KALRN: variants seen among roughly 807,000 people sequenced by gnomAD.
KALRN encodes kalirin RhoGEF kinase.
A neutral mutation model predicts 353.7 loss-of-function variants in KALRN; 70 were observed. The ratio of observed to expected loss-of-function variants is 0.20; its 90% CI spans 0.16 to 0.24. KALRN has a LOEUF of 0.24. KALRN is among the 10% of genes least tolerant of loss of function. The probability of loss-of-function intolerance (pLI) is 1.00; values close to 1 mark genes in which losing one functional copy is unlikely to be tolerated. For synonymous variants in KALRN, 1,391 were observed against 1,434.8 expected (o/e 0.97, Z 0.69); for missense variants, 2,791 against 3,756.7 (o/e 0.74, Z 6.72).
intron 1 of KALRN, among the ~76,000 whole-genome samples, chr3:124,053,936 G>A (rs1369481448): frequency 6.6e-6 from 1 of 152,188 alleles, no homozygotes; most frequent in African/African-American, 2.4e-5. Flanking sequence ...TCCCTTCCCA[G>A]GAACAGTGTC....
In KALRN at chr3:124,116,805, G is replaced by T. The variant is rs187131791; in HGVS notation, c.73+82992G>T. Reference sequence around the variant, plus strand: ...ATATAATGGAAGTTATGTGACTGTGGTATCACTCTTTCTCAAAATATCTTA... The same window carrying T: ...ATATAATGGAAGTTATGTGACTGTGTTATCACTCTTTCTCAAAATATCTTA... On this transcript the variant is annotated intron_variant, in intron 1 of 59. Transcript: ENST00000682506. Among the ~76,000 whole-genome samples the T allele has an allele frequency of 1.5e-4, 23 of 152,296 alleles. No homozygotes were observed. The East Asian group carries it at 3.9e-3, about 26-fold the overall frequency.
intron 1 of KALRN, among the ~76,000 whole-genome samples, chr3:124,185,476 T>A (rs745344397): frequency 2.0e-5 from 3 of 152,222 alleles, no homozygotes; most frequent in African/African-American, 4.8e-5. Context: ...TTTGTCTTTC[T>A]CTCGGAGCTC....
intron 1 of KALRN, among the ~76,000 whole-genome samples, chr3:124,213,042 TA>T (rs745396728): frequency 2.6e-5 from 4 of 152,262 alleles, no homozygotes; most frequent in Non-Finnish European, 2.9e-5. Flanking sequence ...ACATATAGTT[TA>T]AATTCTACAG....
At chr3:124,399,564 G>A (rs779616155) in intron 13 of KALRN, among the ~76,000 whole-genome samples, 12 of 152,220 alleles carry the variant, frequency 7.9e-5, no homozygotes, top group Non-Finnish European at 1.6e-4. Flanking sequence ...ATGGATAGAT[G>A]TTAAAATTAG....
At position 124,044,072 on chromosome 3, in the gene KALRN, A is replaced by G. The variant is rs577367320; in HGVS notation, c.73+10259A>G. On this transcript the variant is annotated intron_variant, in intron 1 of 59. Coordinates refer to ENST00000682506, the MANE Select transcript of KALRN (RefSeq NM_001388419.1). Reference sequence around the variant, plus strand: ...AGGGGAAGCAGGCTAGGGCTCATGAATGAGCCCCTTGCTCATTCTTCTCCA... The same window carrying G: ...AGGGGAAGCAGGCTAGGGCTCATGAGTGAGCCCCTTGCTCATTCTTCTCCA... Among the ~76,000 whole-genome samples, 7 of 152,286 alleles carry G rather than the reference A, an allele frequency of 4.6e-5. No individual in the cohort carries two copies. The South Asian group carries it at 1.5e-3, about 32-fold the overall frequency.
intron 58 of KALRN, among the ~76,000 whole-genome samples, chr3:124,713,733 A>G (rs2063000098): frequency 6.6e-6 from 1 of 152,228 alleles, no homozygotes; most frequent in South Asian, 2.1e-4. Context: ...TGTGGTTTAG[A>G]TAAATATCAC....
Position 124,643,052 on chromosome 3 carries a change from C to T in KALRN, c.5664+5749C>T, listed in dbSNP as rs1611980. Among the ~76,000 whole-genome samples the T allele has an allele frequency of 6.3e-3, 952 of 151,982 alleles. 12 individuals carry two copies. The highest frequency in any genetic ancestry group is 0.022 in the African/African-American group (894 of 41,448). On this transcript the variant is annotated intron_variant, in intron 37 of 59. Coordinates refer to ENST00000682506, the MANE Select transcript of KALRN (RefSeq NM_001388419.1). The stretch of plus-strand genomic sequence containing the variant: ...GGCTGGTCTTGAACTCTCAACCTCA[C>T]GTGATCCGCCTGCCTCGGCCTCCCA...
intron 34 of KALRN, among the ~76,000 whole-genome samples, chr3:124,586,510 C>T (rs1044293404): frequency 3.3e-5 from 5 of 152,220 alleles, no homozygotes; most frequent in Non-Finnish European, 7.3e-5. Context: ...CCGACTTTCA[C>T]TCTCGCTGTG....
At chr3:124,487,269 GA>G in intron 28 of KALRN, among the ~76,000 whole-genome samples, 1 of 152,272 alleles carries the variant, frequency 6.6e-6, no homozygotes, top group African/African-American at 2.4e-5. Flanking sequence ...AAGATAGTTG[GA>G]AATGATCTTT....
intron 33 of KALRN, among the ~76,000 whole-genome samples, chr3:124,531,840 C>A (rs1449452305): frequency 6.6e-6 from 1 of 152,164 alleles, no homozygotes; most frequent in African/African-American, 2.4e-5. Context: ...AGACTCAAAC[C>A]ATATCAGTCC....
intron 10 of KALRN, among the ~76,000 whole-genome samples, chr3:124,354,106 G>A (rs1178869537): frequency 6.6e-6 from 1 of 152,214 alleles, no homozygotes; most frequent in Non-Finnish European, 1.5e-5. Context: ...AGATATTATA[G>A]AGAGCCTACC....
chr3:124,311,061 C>CTTTTT (rs1198989072), intron 6 of KALRN, among the ~76,000 whole-genome samples: 3 of 77,764 alleles, frequency 3.9e-5, no homozygotes, highest in Non-Finnish European at 9.0e-5. Context: ...TGAGATACTA[C>CTTTTT]TTCTTTTTTT....
At chr3:124,473,786 A>T (rs997442780) in intron 25 of KALRN, among the ~76,000 whole-genome samples, 1 of 152,244 alleles carries the variant, frequency 6.6e-6, no homozygotes, top group Non-Finnish European at 1.5e-5. Context: ...GAGTCAAAAG[A>T]TAAGCGCATT....
rs546031469 is a variant in KALRN, at chr3:124,707,091, C to T, written c.8075+4975C>T. 1.4e-4 allele frequency among the ~76,000 whole-genome samples: 21 copies of T among 152,166 alleles called. No homozygotes were observed. In the East Asian group the frequency reaches 4.1e-3, roughly 30 times the overall value. On this transcript the variant is annotated intron_variant, in intron 57 of 59. Coordinates refer to ENST00000682506, the MANE Select transcript of KALRN (RefSeq NM_001388419.1). Reference sequence around the variant, plus strand: ...TGGTGGCTCACGCCTGTAATCCCAGCACTTTGGGAGGCTGAGGCAGGAGGA... The same window carrying T: ...TGGTGGCTCACGCCTGTAATCCCAGTACTTTGGGAGGCTGAGGCAGGAGGA...
At chr3:124,226,116 T>C (rs951131749) in intron 1 of KALRN, among the ~76,000 whole-genome samples, 1 of 152,220 alleles carries the variant, frequency 6.6e-6, no homozygotes, top group Non-Finnish European at 1.5e-5. Flanking sequence ...AAACAAGTCA[T>C]GTATTAGTTA....
intron 33 of KALRN, among the ~76,000 whole-genome samples, chr3:124,523,948 G>A (rs2067369553): frequency 6.6e-6 from 1 of 152,168 alleles, no homozygotes. Context: ...CCAATACATT[G>A]ATATTCTTAC....
intron 57 of KALRN, among the ~76,000 whole-genome samples, chr3:124,710,117 T>G (rs926637578): frequency 2.2e-4 from 33 of 152,254 alleles, no homozygotes; most frequent in Admixed American, 1.8e-3. Context: ...GTACAAATTT[T>G]CAGATATGCA....
intron 19 of KALRN, among the ~76,000 whole-genome samples, chr3:124,444,980 C>T (rs1015543625): frequency 3.3e-5 from 5 of 152,162 alleles, no homozygotes; most frequent in African/African-American, 1.2e-4. Flanking sequence ...GCAAGCACTT[C>T]ACTTTGGGTT....
intron 34 of KALRN, chr3:124,584,548 A>C (rs1191194461): frequency 8.5e-7 from 1 of 1,178,902 alleles, no homozygotes; most frequent in Admixed American, 3.7e-5. Context: ...GCAGCGTTAC[A>C]TGAGGCTCCG....
Sources: gnomAD v4.1 joint callset for allele counts (sites outside exome capture counted in the v4.1 genomes callset) on GRCh38, gnomAD v4.1.1 for gene constraint, MANE v1.5 for transcripts, NCBI Gene and HGNC (gene_info 2026-07-23, HGNC 2026-07-21) for gene names.